PTRHD1: variants seen among roughly 807,000 people sequenced by gnomAD.
PTRHD1 encodes the protein peptidyl-tRNA hydrolase domain containing 1.
A neutral mutation model predicts 13.6 loss-of-function variants in PTRHD1; 12 were observed. The observed-to-expected ratio is 0.88, with a 90% CI of 0.57 to 1.43. The LOEUF (loss-of-function observed/expected upper bound fraction) is 1.43. Among genes scored for constraint, PTRHD1 ranks in the 40% most tolerant of loss-of-function variants. PTRHD1 has a pLI of 0.00. For synonymous variants in PTRHD1, 86 were observed against 79.5 expected, an observed-to-expected ratio of 1.08 and a Z score of -0.43; for missense variants, 203 against 184.7, an observed-to-expected ratio of 1.10 and a Z score of -0.57.
intron 1 of PTRHD1, 49 bp from the exon 2 acceptor site, chr2:24,790,630 T>C: frequency 6.4e-7 from 1 of 1,556,688 alleles, no homozygotes; most frequent in East Asian, 2.3e-5. Context: ...ACTTAGGAAG[T>C]GTCAAAAGGC....
chr2:24,791,609 G>A (rs887549483), intron 1 of PTRHD1: 3 of 152,218 alleles, frequency 2.0e-5, no homozygotes, highest in Non-Finnish European at 4.4e-5. Context: ...GAGCTCTGCT[G>A]GAGGACTCAT....
At chr2:24,792,792 A>C (rs917701358) in intron 1 of PTRHD1, 36 of 412,448 alleles carry the variant, frequency 8.7e-5, no homozygotes, top group African/African-American at 7.0e-4. Flanking sequence ...GTTTGACTTC[A>C]CTTTGCACTG....
At position 24,792,997 on chromosome 2, in the gene PTRHD1, A is replaced by G. The variant is rs574332776; in HGVS notation, c.252+129T>C. The G allele has an allele frequency of 1.2e-4, 133 of 1,115,334 alleles. No homozygotes were observed. In the African/African-American group the frequency reaches 2.0e-3, roughly 17 times the overall value. The allele number at this position is 1,115,334 out of a possible 1,614,324, so 69.1% of individuals were successfully genotyped here. A position where few individuals can be genotyped will look rare whatever the true frequency, so the allele number is the denominator to read the frequency against. On this transcript the variant is annotated intron_variant, in intron 1 of 1. Transcript: ENST00000328379. The stretch of plus-strand genomic sequence containing the variant: ...GGCGCACCTCCAGGGAAACAGCTCC[A>G]GTCTAAATGTTAACGATCACCCCAA...
chr2:24,793,227 C>G lies in PTRHD1; in HGVS notation c.151G>C (p.Ala51Pro). 6.2e-7 allele frequency: 1 copy of G among 1,613,446 alleles called. No individual in the cohort carries two copies. The highest frequency in any genetic ancestry group is 8.5e-7 in the Non-Finnish European group (1 of 1,180,014). ...SWPAGALVAQ[A>P]CHAATAALHT... ...AAGGCCGCGGTGGCCGCGTGACAAG[C>G]CTGCGCTACCAGTGCGCCCGCCGGC... Residue 51 changes from alanine (A) to proline (P), a missense_variant, in exon 1 of 2, where the codon GCT becomes CCT. Coordinates refer to ENST00000328379, the MANE Select transcript of PTRHD1 (RefSeq NM_001013663.2).
At chr2:24,792,204 G>A (rs2148720524) in intron 1 of PTRHD1, among the ~76,000 whole-genome samples, 1 of 152,226 alleles carries the variant, frequency 6.6e-6, no homozygotes, top group South Asian at 2.1e-4. Context: ...ATCTATCTTT[G>A]TCAGTTACCC....
chr2:24,790,195 T>C lies in PTRHD1; in HGVS notation c.*216A>G. The C allele has an allele frequency of 4.0e-6, 2 of 504,734 alleles. No homozygotes were observed. The highest frequency in any genetic ancestry group is 6.3e-5 in the South Asian group (2 of 31,848). 31.3% of individuals were successfully genotyped at this position (504,734 alleles called of 1,614,324 possible). A position where few individuals can be genotyped will look rare whatever the true frequency, so the allele number is the denominator to read the frequency against. ...CAGGAGAGTCTAACCAAATCTTCTA[T>C]TTGAGCAATGATCCCCAGACAATAC... On this transcript the variant is annotated 3_prime_UTR_variant, in exon 2 of 2. Transcript: ENST00000328379.
intron 1 of PTRHD1, among the ~76,000 whole-genome samples, chr2:24,791,230 T>C (rs2148719849): frequency 6.6e-6 from 1 of 152,216 alleles, no homozygotes; most frequent in South Asian, 2.1e-4. Context: ...CGGCCCCTAG[T>C]GGAAGGATTT....
In PTRHD1 at chr2:24,793,125, C is replaced by A; in HGVS notation, c.252+1G>T. On this transcript the variant is annotated splice_donor_variant, in intron 1 of 1. Coordinates refer to ENST00000328379, the MANE Select transcript of PTRHD1 (RefSeq NM_001013663.2). LOFTEE classifies it high-confidence loss of function. ...CCTCCCCCTCCGCCCGAGTGCCTCA[C>A]CTCGAGGACCACTTTGCGCATGCGC... 1 of 1,611,136 alleles carries A rather than the reference C, an allele frequency of 6.2e-7. No homozygotes were observed. The highest frequency in any genetic ancestry group is 8.5e-7 in the Non-Finnish European group (1 of 1,178,566).
rs759031957 is a variant in PTRHD1 at position 24,793,140 on chromosome 2, T to C, written c.238A>G (p.Lys80Glu). The C allele has an allele frequency of 1.2e-6, 2 of 1,612,776 alleles. No individual in the cohort carries two copies. The highest frequency in any genetic ancestry group is 1.7e-5 in the Admixed American group (1 of 59,986). Residue 80 changes from lysine to glutamate, a missense_variant, in exon 1 of 2, where the codon AAA (lysine) becomes GAA (glutamate). Physicochemically the swap from Lys to Glu is moderately conservative, Grantham distance 56. Transcript: ENST00000328379. ...AYLQELGRMR[K>E]VVLEAPDETT... ...GAGTGCCTCACCTCGAGGACCACTT[T>C]GCGCATGCGCCCCAGCTCTTGGAGG...
At position 24,790,495 on chromosome 2, in the gene PTRHD1, C is replaced by T. The variant is rs1253915023; in HGVS notation, c.339G>A (p.Glu113=). ...IDHMLWLEQP[E]NIATCIALRP... ...GGAGAGCAATACAAGTGGCGATATT[C>T]TCTGGTTGCTCAAGCCACAGCATGT... Residue 113 remains glutamate (E), a synonymous_variant, in exon 2 of 2, where the codon GAG becomes GAA. Transcript: ENST00000328379. 4 of 1,614,092 alleles carry T rather than the reference C, an allele frequency of 2.5e-6. No homozygotes were observed. The highest frequency in any genetic ancestry group is 3.4e-6 in the Non-Finnish European group (4 of 1,180,054).
In PTRHD1 at chr2:24,793,343, A is replaced by C. The variant is rs1224905354; in HGVS notation, c.35T>G (p.Val12Gly). Residue 12 changes from valine to glycine, a missense_variant, in exon 1 of 2, where the codon GTC becomes GGC. By Grantham distance (109) the Val-to-Gly change is moderately radical (BLOSUM62 -3). Coordinates refer to ENST00000328379, the MANE Select transcript of PTRHD1 (RefSeq NM_001013663.2). ...HRGVGPAFRV[V>G]RKMAASGAEP... ...CGCCCCAGAGGCCGCCATCTTCCTG[A>C]CCACCCGAAAGGCCGGACCTACTCC... The C allele has an allele frequency of 6.2e-7, 1 of 1,613,702 alleles. No individual in the cohort carries two copies. Among genetic ancestry groups the C allele is most frequent in the Admixed American group, 1.7e-5 (1 of 60,028 alleles).
At chr2:24,790,614 T>G (rs1558362268) in intron 1 of PTRHD1, 33 bp from the exon 2 acceptor site, 1 of 1,588,284 alleles carries the variant, frequency 6.3e-7, no homozygotes, top group East Asian at 2.3e-5. Context: ...ACAAACTGAA[T>G]AGCCCACTTA....
At chr2:24,792,870 A>C (rs1257926177) in intron 1 of PTRHD1, 2 of 576,972 alleles carry the variant, frequency 3.5e-6, no homozygotes, top group East Asian at 5.9e-5. Context: ...CGGCCAGTGC[A>C]CAGGCGGAAC....
intron 1 of PTRHD1, among the ~76,000 whole-genome samples, 158 bp from the exon 2 acceptor site, chr2:24,790,739 G>C (rs1169270263): frequency 2.0e-5 from 3 of 152,208 alleles, no homozygotes; most frequent in Admixed American, 6.5e-5. Context: ...GTGCACTGGG[G>C]AGGGGAGAGA....
chr2:24,793,039 T>C (rs1665674610), intron 1 of PTRHD1, 87 bp downstream of exon 1: 1 of 1,460,968 alleles, frequency 6.8e-7, no homozygotes, highest in Admixed American at 2.1e-5. Context: ...CCGCACCCAC[T>C]CCCCGCAGCC....
In PTRHD1 at chr2:24,790,222, G is replaced by T; in HGVS notation, c.*189C>A. ...TGAGCAATGATCCCCAGACAATACT[G>T]CTCTCCCACCTTCCCCACTTGAACT... On this transcript the variant is annotated 3_prime_UTR_variant, in exon 2 of 2. Transcript: ENST00000328379. 1.6e-6 allele frequency: 1 copy of T among 616,358 alleles called. No individual in the cohort carries two copies. The highest frequency in any genetic ancestry group is 2.7e-6 in the Non-Finnish European group (1 of 367,804). 38.2% of individuals were successfully genotyped at this position (616,358 alleles called of 1,614,324 possible). A position where few individuals can be genotyped will look rare whatever the true frequency, so the allele number is the denominator to read the frequency against.
rs1297945807 is a variant in PTRHD1 at position 24,793,118 on chromosome 2, T to C, written c.252+8A>G. On this transcript the variant is annotated splice_region_variant and intron_variant, in intron 1 of 1. Transcript: ENST00000328379. ...CTCAGCACCTCCCCCTCCGCCCGAG[T>C]GCCTCACCTCGAGGACCACTTTGCG... The C allele has an allele frequency of 1.9e-6, 3 of 1,608,582 alleles. No individual in the cohort carries two copies. The highest frequency in any genetic ancestry group is 1.3e-5 in the African/African-American group (1 of 74,950).
rs545737721 is a variant in PTRHD1, at chr2:24,793,251, G to T, written c.127C>A (p.Pro43Thr). 1,773 of 1,613,936 alleles carry T rather than the reference G, an allele frequency of 1.1e-3. 46 individuals are homozygous for T. In the South Asian group the frequency reaches 0.018, roughly 17 times the overall value. The change falls in exon 1 of 2, where the codon CCG becomes ACG. Residue 43 changes from proline (P) to threonine (T), a missense_variant. Pro to Thr is a conservative substitution (Grantham distance 38, BLOSUM62 -1). Transcript: ENST00000328379. Reference protein sequence around the residue: ...KDLSQAPFSWPAGALVAQACH... With the variant: ...KDLSQAPFSWTAGALVAQACH... ...GCCTGCGCTACCAGTGCGCCCGCCGGCCAGGAGAACGGAGCTTGTGATAGA... is the reference window on the plus strand; with the variant it reads ...GCCTGCGCTACCAGTGCGCCCGCCGTCCAGGAGAACGGAGCTTGTGATAGA...
rs1665591084 is a variant in PTRHD1, at chr2:24,790,138, G to A, written c.*273C>T. 9.4e-6 allele frequency: 3 copies of A among 319,166 alleles called. No individual in the cohort carries two copies. The highest frequency in any genetic ancestry group is 1.7e-5 in the Non-Finnish European group (3 of 175,242). The allele number at this position is 319,166 out of a possible 1,614,324, so 19.8% of individuals were successfully genotyped here. ...AATTCAAAAGCAAAGTTTCAAACCC[G>A]AGTGACTGGAAGGGAGTTTCCTTGA... is the stretch of plus-strand genomic sequence containing the variant. On this transcript the variant is annotated 3_prime_UTR_variant, in exon 2 of 2. Coordinates refer to ENST00000328379, the MANE Select transcript of PTRHD1 (RefSeq NM_001013663.2).
Sources: gnomAD v4.1 joint callset for allele counts (sites outside exome capture counted in the v4.1 genomes callset) on GRCh38, gnomAD v4.1.1 for gene constraint, MANE v1.5 for transcripts, NCBI Gene and HGNC (gene_info 2026-07-23, HGNC 2026-07-21) for gene names.